CDH13: variants seen among roughly 807,000 people sequenced by gnomAD.
CDH13 encodes cadherin 13.
A neutral mutation model predicts 63.8 loss-of-function variants in CDH13; 24 were observed. The ratio of observed to expected loss-of-function variants is 0.38; its 90% confidence interval spans 0.27 to 0.53. The LOEUF (loss-of-function observed/expected upper bound fraction) is 0.53. CDH13 is among the 20% of genes least tolerant of loss of function. The pLI is 0.85. For synonymous variants in CDH13, 503 were observed against 355.3 expected (o/e 1.42, Z -4.67); for missense variants, 1,049 against 903.1 (o/e 1.16, Z -2.07).
At chr16:82,724,225 A>G (rs768456186) in intron 1 of CDH13, among the ~76,000 whole-genome samples, 12 of 152,148 alleles carry the variant, frequency 7.9e-5, no homozygotes, top group Non-Finnish European at 1.5e-4. Context: ...TTAGAATTTC[A>G]TTAATCCAGT....
intron 6 of CDH13, among the ~76,000 whole-genome samples, chr16:83,409,710 C>A (rs2092099305): frequency 6.6e-6 from 1 of 152,196 alleles, no homozygotes; most frequent in Non-Finnish European, 1.5e-5. Flanking sequence ...TTGATTATAT[C>A]AAACAGGACC....
intron 5 of CDH13, among the ~76,000 whole-genome samples, chr16:83,218,598 G>C (rs527925029): frequency 6.6e-6 from 1 of 152,334 alleles, no homozygotes; most frequent in African/African-American, 2.4e-5. Flanking sequence ...ACCAGCAGCA[G>C]ACTATGGATA....
At chr16:83,747,968 A>G (rs1236861123) in intron 10 of CDH13, 140 bp from the exon 11 acceptor site, 5 of 854,852 alleles carry the variant, frequency 5.8e-6, no homozygotes, top group Non-Finnish European at 9.6e-6. Flanking sequence ...GTGAATGAGC[A>G]ACTGTAACAG....
Position 83,201,746 on chromosome 16 carries a change from A to T in CDH13, c.484-15599A>T, listed in dbSNP as rs1363124594. On this transcript the variant is annotated intron_variant, in intron 4 of 13. Transcript: ENST00000567109. ...CCCCGTCTCTAATAAAAAAAAATTA[A>T]AAAAAAAAAAAACACAAAAAATTAG... is the stretch of plus-strand genomic sequence containing the variant. 5.4e-3 allele frequency among the ~76,000 whole-genome samples: 778 copies of T among 143,208 alleles called. 6 individuals carry two copies. The highest frequency in any genetic ancestry group is 0.018 in the African/African-American group (687 of 37,570). The allele number at this position is 143,208 out of a possible 152,430, so 94.0% of individuals were successfully genotyped here.
At chr16:83,334,014 C>T (rs888015916) in intron 5 of CDH13, among the ~76,000 whole-genome samples, 3 of 152,114 alleles carry the variant, frequency 2.0e-5, no homozygotes, top group Non-Finnish European at 1.5e-5. Context: ...GGGCTACCTT[C>T]ACTCCTGGAA....
rs10658401 is a variant in CDH13 at position 82,886,561 on chromosome 16, A to ATTTTT, written c.157+28096_157+28100dup. On this transcript the variant is annotated intron_variant, in intron 2 of 13. Transcript: ENST00000567109. The stretch of plus-strand genomic sequence containing the variant: ...ATTATCAACTTAGAATATTTGTGCA[A>ATTTTT]TTTTTTTTTTTTACATGTGGAGCTT... Among the ~76,000 whole-genome samples the ATTTTT allele has an allele frequency of 4.0e-3, 596 of 149,396 alleles. 5 individuals carry two copies. Among genetic ancestry groups the ATTTTT allele is most frequent in the African/African-American group, 0.014 (580 of 40,774 alleles).
intron 2 of CDH13, among the ~76,000 whole-genome samples, chr16:82,944,258 C>T (rs1429770869): frequency 6.6e-6 from 1 of 152,142 alleles, no homozygotes; most frequent in Non-Finnish European, 1.5e-5. Flanking sequence ...TTATGACATC[C>T]TCCAGTCCCA....
intron 5 of CDH13, among the ~76,000 whole-genome samples, chr16:83,224,435 C>T (rs2039786175): frequency 1.3e-5 from 2 of 152,164 alleles, no homozygotes; most frequent in African/African-American, 4.8e-5. Flanking sequence ...GCTTAGTTGC[C>T]CAAAGGCAGG....
chr16:83,345,481 C>T (rs984084202), intron 6 of CDH13, among the ~76,000 whole-genome samples: 2 of 152,174 alleles, frequency 1.3e-5, no homozygotes, highest in African/African-American at 4.8e-5. Flanking sequence ...AATCTTTTGT[C>T]TTCAGTCAGA....
chr16:83,428,436 A>C (rs1025486199), intron 6 of CDH13, among the ~76,000 whole-genome samples: 2 of 152,018 alleles, frequency 1.3e-5, no homozygotes. Flanking sequence ...TCCATTGACA[A>C]GATTCATTTT....
chr16:83,034,968 C>G (rs185630908), intron 3 of CDH13, among the ~76,000 whole-genome samples: 124 of 152,178 alleles, frequency 8.1e-4, no homozygotes, highest in African/African-American at 2.9e-3. Flanking sequence ...CTGCCGTGTC[C>G]TTCAGTTTGC....
intron 5 of CDH13, among the ~76,000 whole-genome samples, chr16:83,225,422 T>G (rs1013105900): frequency 2.0e-5 from 3 of 152,210 alleles, no homozygotes; most frequent in Non-Finnish European, 4.4e-5. Flanking sequence ...CCAGGCAAAT[T>G]TGTCCCAGGC....
At chr16:82,687,709 G>A (rs1249127478) in intron 1 of CDH13, among the ~76,000 whole-genome samples, 1 of 152,042 alleles carries the variant, frequency 6.6e-6, no homozygotes, top group Non-Finnish European at 1.5e-5. Context: ...ATGTGGCTGG[G>A]GACACAGAGC....
At chr16:82,866,030 C>G (rs1017032276) in intron 2 of CDH13, among the ~76,000 whole-genome samples, 8 of 152,194 alleles carry the variant, frequency 5.3e-5, no homozygotes, top group African/African-American at 1.9e-4. Flanking sequence ...CTGCAGATCA[C>G]TAGGGCAGGG....
chr16:83,786,385 T>C (rs1915880607), intron 13 of CDH13, among the ~76,000 whole-genome samples: 1 of 152,176 alleles, frequency 6.6e-6, no homozygotes, highest in Admixed American at 6.5e-5. Flanking sequence ...TACGAATTCC[T>C]GAGCTCAGTG....
intron 8 of CDH13, among the ~76,000 whole-genome samples, chr16:83,636,059 G>C (rs925295608): frequency 6.6e-6 from 1 of 151,284 alleles, no homozygotes; most frequent in Non-Finnish European, 1.5e-5. Flanking sequence ...TTTAGAAATA[G>C]CTATCCTTCT....
intron 2 of CDH13, among the ~76,000 whole-genome samples, chr16:82,977,831 T>TTC (rs1909732899): frequency 6.6e-6 from 1 of 151,868 alleles, no homozygotes; most frequent in African/African-American, 2.4e-5. Flanking sequence ...GACAGGAAAA[T>TTC]GTGGGCAATT....
chr16:83,465,715 G>C (rs2073297266), intron 6 of CDH13, among the ~76,000 whole-genome samples: 1 of 152,190 alleles, frequency 6.6e-6, no homozygotes, highest in Non-Finnish European at 1.5e-5. Context: ...GTCCTTGTGA[G>C]GCTTTCTGTG....
intron 6 of CDH13, among the ~76,000 whole-genome samples, chr16:83,470,876 C>T (rs528057016): frequency 3.9e-5 from 6 of 152,260 alleles, no homozygotes; most frequent in Admixed American, 3.3e-4. Context: ...AGTCCAAAAT[C>T]GGTCTCATTG....
Sources: gnomAD v4.1 joint callset for allele counts (sites outside exome capture counted in the v4.1 genomes callset) on GRCh38, gnomAD v4.1.1 for gene constraint, MANE v1.5 for transcripts, NCBI Gene and HGNC (gene_info 2026-07-23, HGNC 2026-07-21) for gene names.